PCDHA5: variants seen among roughly 807,000 people sequenced by gnomAD.
The protein encoded by PCDHA5 is protocadherin alpha 5.
In PCDHA5, 43 loss-of-function variants were observed where a neutral mutation model predicts 61.6. That is an observed-to-expected ratio of 0.70 (90% CI 0.55 to 0.90). The LOEUF (loss-of-function observed/expected upper bound fraction) is 0.90. Among genes scored for constraint, PCDHA5 ranks in the 40% least tolerant of loss-of-function variants. The pLI is 0.00. For synonymous variants in PCDHA5, 627 were observed against 543.9 expected (o/e 1.15, Z -2.13); for missense variants, 1,298 against 1,222.7 (o/e 1.06, Z -0.92).
In PCDHA5 at chr5:140,857,847, C is replaced by G. The variant is rs782775653; in HGVS notation, c.2352+33720C>G. The G allele has an allele frequency of 1.4e-5, 23 of 1,597,872 alleles. 1 individual carries two copies. The South Asian group carries it at 2.0e-4, about 14-fold the overall frequency. On this transcript the variant is annotated intron_variant, in intron 1 of 3. Coordinates refer to ENST00000529859, the MANE Select transcript of PCDHA5 (RefSeq NM_018908.3). Reference sequence around the variant, plus strand: ...AAGGTGCGCGCAGTGGACGCTGACTCTGGATACAACGCGTGGCTGTCGTAT... The same window carrying G: ...AAGGTGCGCGCAGTGGACGCTGACTGTGGATACAACGCGTGGCTGTCGTAT...
chr5:140,838,325 T>C (rs1554137025), intron 1 of PCDHA5, among the ~76,000 whole-genome samples: 1 of 149,366 alleles, frequency 6.7e-6, no homozygotes, highest in Non-Finnish European at 1.5e-5. Flanking sequence ...AGTTTCACCA[T>C]GTTGCCCCGG....
chr5:140,841,885 G>C (rs2150324724), intron 1 of PCDHA5: 2 of 1,613,802 alleles, frequency 1.2e-6, no homozygotes, highest in Non-Finnish European at 1.7e-6. Context: ...AGAACGATGA[G>C]AATAAACTGG....
chr5:140,873,931 G>A (rs2054580396), intron 1 of PCDHA5, among the ~76,000 whole-genome samples: 1 of 152,172 alleles, frequency 6.6e-6, no homozygotes, highest in African/African-American at 2.4e-5. Flanking sequence ...AAAGTGCTGG[G>A]ATTACAGGTG....
In PCDHA5 at chr5:140,835,883, C is replaced by T. The variant is rs149268300; in HGVS notation, c.2352+11756C>T. Reference sequence around the variant, plus strand: ...ACTCGCTGGTGGAGCTGCGGGTGGGCGAGCGCGCGCTGTCGAGCTACGTGT... The same window carrying T: ...ACTCGCTGGTGGAGCTGCGGGTGGGTGAGCGCGCGCTGTCGAGCTACGTGT... On this transcript the variant is annotated intron_variant, in intron 1 of 3. Coordinates refer to ENST00000529859, the MANE Select transcript of PCDHA5 (RefSeq NM_018908.3). 5.5e-4 allele frequency: 882 copies of T among 1,611,944 alleles called. 10 individuals carry two copies. In the African/African-American group the frequency reaches 9.6e-3, roughly 17 times the overall value.
At chr5:140,887,757 C>T (rs1303665192) in intron 1 of PCDHA5, among the ~76,000 whole-genome samples, 16 of 152,166 alleles carry the variant, frequency 1.1e-4, no homozygotes, top group Admixed American at 9.8e-4. Flanking sequence ...TCCAGTAACA[C>T]ATATGTTACA....
Position 140,853,023 on chromosome 5 carries a change from C to T in PCDHA5, c.2352+28896C>T, listed in dbSNP as rs1239749008. On this transcript the variant is annotated intron_variant, in intron 1 of 3. Transcript: ENST00000529859. ...CCTCCCGAGTAGCTGGGACTACAGG[C>T]GCCTGCCACCATGCCCGCCTAATTT... 6 of 257,856 alleles carry T rather than the reference C, an allele frequency of 2.3e-5. 1 individual carries two copies. The highest frequency in any genetic ancestry group is 1.2e-4 in the African/African-American group (5 of 42,466). 16.0% of individuals were successfully genotyped at this position (257,856 alleles called of 1,614,324 possible). A position where few individuals can be genotyped will look rare whatever the true frequency, so the allele number is the denominator to read the frequency against.
chr5:140,875,882 A>G (rs2055902382), intron 1 of PCDHA5: 1 of 1,614,158 alleles, frequency 6.2e-7, no homozygotes, highest in Non-Finnish European at 8.5e-7. Flanking sequence ...AGAGAAAGGG[A>G]ACAAAAGGTA....
Position 140,851,538 on chromosome 5 carries a change from A to G in PCDHA5, c.2352+27411A>G. 2.2e-6 allele frequency: 2 copies of G among 905,392 alleles called. 1 individual carries two copies. The highest frequency in any genetic ancestry group is 2.7e-6 in the Non-Finnish European group (2 of 743,116). The allele number at this position is 905,392 out of a possible 1,614,324, so 56.1% of individuals were successfully genotyped here. A position where few individuals can be genotyped will look rare whatever the true frequency, so the allele number is the denominator to read the frequency against. Reference sequence around the variant, plus strand: ...TTTTAAAATGCCTGACAATGTAGATAATTCAAGAAATGTTGACTGAAATTT... The same window carrying G: ...TTTTAAAATGCCTGACAATGTAGATGATTCAAGAAATGTTGACTGAAATTT... On this transcript the variant is annotated intron_variant, in intron 1 of 3. Coordinates refer to ENST00000529859, the MANE Select transcript of PCDHA5 (RefSeq NM_018908.3).
At chr5:140,967,029 G>T in intron 1 of PCDHA5, 1 of 1,609,056 alleles carries the variant, frequency 6.2e-7, no homozygotes, top group Non-Finnish European at 8.5e-7. Context: ...CCCAGTCCGC[G>T]CTACCTGGAG....
Position 140,822,388 on chromosome 5 carries a change from C to T in PCDHA5, c.613C>T (p.Gln205Ter). The change falls in exon 1 of 4, where the codon CAA becomes TAA. Residue 205 changes from glutamine (Q) to a stop codon, truncating the protein, a stop_gained. Transcript: ENST00000529859. LOFTEE classifies it high-confidence loss of function. ...LRKSLDREET[Q>*]EHRLLVIATD... Reference sequence around the variant, plus strand: ...GAAATCCTTAGATAGAGAAGAAACACAAGAACACCGTTTATTAGTGATTGC... The same window carrying T: ...GAAATCCTTAGATAGAGAAGAAACATAAGAACACCGTTTATTAGTGATTGC... 6.2e-7 allele frequency: 1 copy of T among 1,614,066 alleles called. No homozygotes were observed. The highest frequency in any genetic ancestry group is 1.7e-5 in the Admixed American group (1 of 60,020).
chr5:140,966,514 A>G (rs2096013065), intron 1 of PCDHA5: 1 of 434,820 alleles, frequency 2.3e-6, no homozygotes, highest in Non-Finnish European at 4.0e-6. Flanking sequence ...CAGCAGCAGC[A>G]GGAAGCCGAG....
Position 140,823,218 on chromosome 5 carries a change from G to A in PCDHA5, c.1443G>A (p.Ala481=), listed in dbSNP as rs2150123612. The A allele has an allele frequency of 5.6e-6, 9 of 1,613,766 alleles. No individual in the cohort carries two copies. The highest frequency in any genetic ancestry group is 7.6e-6 in the Non-Finnish European group (9 of 1,179,810). ...CHIFTVSARD[A]DAQENALVSY... ...TCTTCACGGTGTCTGCACGGGACGCGGACGCGCAGGAGAACGCCCTGGTGT... is the reference window on the plus strand; with the variant it reads ...TCTTCACGGTGTCTGCACGGGACGCAGACGCGCAGGAGAACGCCCTGGTGT... The change falls in exon 1 of 4, where the codon GCG becomes GCA. Residue 481 remains alanine (A), a synonymous_variant. Coordinates refer to ENST00000529859, the MANE Select transcript of PCDHA5 (RefSeq NM_018908.3).
At chr5:140,949,670 T>G (rs1218670800) in intron 1 of PCDHA5, among the ~76,000 whole-genome samples, 2 of 151,862 alleles carry the variant, frequency 1.3e-5, no homozygotes, top group African/African-American at 4.8e-5. Flanking sequence ...CTTTAAAGTA[T>G]GCCCTTGTTG....
At chr5:140,938,469 T>C (rs1172900934) in intron 1 of PCDHA5, among the ~76,000 whole-genome samples, 1 of 152,218 alleles carries the variant, frequency 6.6e-6, no homozygotes, top group South Asian at 2.1e-4. Flanking sequence ...TAATTTATTA[T>C]GTTTTTTAAA....
intron 1 of PCDHA5, chr5:140,863,107 G>A (rs1554157777): frequency 1.7e-6 from 1 of 582,652 alleles, no homozygotes; most frequent in Admixed American, 1.9e-5. Flanking sequence ...TACCCTGGAC[G>A]AGGCGAAAGC....
intron 1 of PCDHA5, chr5:140,835,456 C>T: frequency 6.2e-7 from 1 of 1,613,924 alleles, no homozygotes; most frequent in East Asian, 2.2e-5. Context: ...CTGTCTCTCC[C>T]TATTCCAGAG....
rs1221925609 is a variant in PCDHA5, at chr5:140,850,980, T to C, written c.2352+26853T>C. The C allele has an allele frequency of 2.1e-6, 3 of 1,453,332 alleles. 1 individual carries two copies. The highest frequency in any genetic ancestry group is 1.4e-5 in the African/African-American group (1 of 69,706). 90.0% of individuals were successfully genotyped at this position (1,453,332 alleles called of 1,614,324 possible). A position where few individuals can be genotyped will look rare whatever the true frequency, so the allele number is the denominator to read the frequency against. On this transcript the variant is annotated intron_variant, in intron 1 of 3. Coordinates refer to ENST00000529859, the MANE Select transcript of PCDHA5 (RefSeq NM_018908.3). ...CCCAGGGGCCGTTCAAATAGTTTTATTCATTTTTCTAGAAATCCAGCAGAT... is the reference window on the plus strand; with the variant it reads ...CCCAGGGGCCGTTCAAATAGTTTTACTCATTTTTCTAGAAATCCAGCAGAT...
In PCDHA5 at chr5:140,992,017, CTGTGTG is replaced by C. The variant is rs10602499; in HGVS notation, c.2500+9486_2500+9491del. On this transcript the variant is annotated intron_variant, in intron 3 of 3. Coordinates refer to ENST00000529859, the MANE Select transcript of PCDHA5 (RefSeq NM_018908.3). ...CTTTCATGTTCAGGCAGAGGTGGCT[CTGTGTG>C]TGTGTGTGTGTGTGTGTGTGTGTGT... 2.1e-3 allele frequency among the ~76,000 whole-genome samples: 300 copies of C among 145,496 alleles called. 2 individuals carry two copies. The highest frequency in any genetic ancestry group is 4.8e-3 in the African/African-American group (189 of 39,270).
chr5:140,929,330 G>T, intron 1 of PCDHA5: 1 of 1,535,218 alleles, frequency 6.5e-7, no homozygotes. Context: ...GCCATGGTAA[G>T]CAAATTTTAT....
Sources: gnomAD v4.1 joint callset for allele counts (sites outside exome capture counted in the v4.1 genomes callset) on GRCh38, gnomAD v4.1.1 for gene constraint, MANE v1.5 for transcripts, NCBI Gene and HGNC (gene_info 2026-07-23, HGNC 2026-07-21) for gene names.